PDE5A: variants seen among roughly 807,000 people sequenced by gnomAD.
The protein encoded by PDE5A is phosphodiesterase 5A, also known as cGMP-specific 3',5'-cyclic phosphodiesterase.
In PDE5A, 67 loss-of-function variants were observed where a neutral mutation model predicts 110.2. That is an observed-to-expected ratio of 0.61 (90% confidence interval 0.50 to 0.75). PDE5A has a LOEUF of 0.75. Among genes scored for constraint, PDE5A ranks in the 30% least tolerant of loss-of-function variants. The probability of loss-of-function intolerance (pLI) is 0.00; values close to 1 mark genes in which losing one functional copy is unlikely to be tolerated. For synonymous variants in PDE5A, 328 were observed against 351.2 expected, an observed-to-expected ratio of 0.93 and a Z score of 0.74; for missense variants, 862 against 1,045.1, an observed-to-expected ratio of 0.82 and a Z score of 2.42.
intron 2 of PDE5A, among the ~76,000 whole-genome samples, chr4:119,602,378 C>T (rs944293252): frequency 6.6e-6 from 1 of 152,240 alleles, no homozygotes; most frequent in South Asian, 2.1e-4. Context: ...GTTTCTTATA[C>T]TGGTCTTGCA....
chr4:119,566,531 T>C (rs1325730709), intron 4 of PDE5A, among the ~76,000 whole-genome samples: 3 of 152,030 alleles, frequency 2.0e-5, no homozygotes, highest in Non-Finnish European at 4.4e-5. Context: ...TCCTTCAGAG[T>C]TGAACGAGAA....
At chr4:119,596,489 C>G in intron 3 of PDE5A, 34 bp downstream of exon 3, 1 of 1,192,028 alleles carries the variant, frequency 8.4e-7, no homozygotes. Context: ...AAAATATTTC[C>G]AATGACCTTT....
At chr4:119,506,334 C>A (rs7692994) in intron 16 of PDE5A, among the ~76,000 whole-genome samples, 50,728 of 151,340 alleles carry the variant, frequency 0.34, 8,567 homozygotes, top group East Asian at 0.43. Flanking sequence ...ATAAAAATAT[C>A]TAAAGTTGTG....
intron 1 of PDE5A, among the ~76,000 whole-genome samples, chr4:119,617,680 G>A (rs1388184896): frequency 1.3e-5 from 2 of 152,118 alleles, no homozygotes; most frequent in African/African-American, 4.8e-5. Flanking sequence ...ATAACTAGGT[G>A]AAACCTACTC....
chr4:119,591,382 A>G (rs1309623731), intron 3 of PDE5A, among the ~76,000 whole-genome samples: 1 of 151,680 alleles, frequency 6.6e-6, no homozygotes, highest in African/African-American at 2.4e-5. Context: ...CATTTTGCAG[A>G]TGAGGAAACT....
chr4:119,562,776 TATAGAA>T lies in PDE5A; in HGVS notation c.1131+51_1131+56del, dbSNP rs552822821. On this transcript the variant is annotated intron_variant, in intron 6 of 20. Transcript: ENST00000354960. ...CAAAATGAGGTTTAAAAGTAGTGCTTATAGAAATATAAGTTTCTGTCTTTCTAAAAA... is the reference window on the plus strand; with the variant it reads ...CAAAATGAGGTTTAAAAGTAGTGCTTATATAAGTTTCTGTCTTTCTAAAAA... 489 of 1,399,748 alleles carry T rather than the reference TATAGAA, an allele frequency of 3.5e-4. 1 individual carries two copies. Among genetic ancestry groups the T allele is most frequent in the Middle Eastern group, 6.8e-4 (3 of 4,414 alleles). The allele number at this position is 1,399,748 out of a possible 1,614,324, so 86.7% of individuals were successfully genotyped here.
chr4:119,625,729 T>TA lies in PDE5A; in HGVS notation c.152+2790_152+2791insT, dbSNP rs879597106. Among the ~76,000 whole-genome samples, 1,051 of 150,198 alleles carry TA rather than the reference T, an allele frequency of 7.0e-3. 8 individuals carry two copies. Among genetic ancestry groups the TA allele is most frequent in the African/African-American group, 9.1e-3 (375 of 41,018 alleles). On this transcript the variant is annotated intron_variant, in intron 1 of 20. Coordinates refer to ENST00000354960, the MANE Select transcript of PDE5A (RefSeq NM_001083.4). ...AGCAAAGTAATGTGAGCTCCTACTT[T>TA]TAAAAAAAAAAATCCTTAGCTGTAA...
At chr4:119,594,027 G>A (rs1463502936) in intron 3 of PDE5A, among the ~76,000 whole-genome samples, 2 of 152,104 alleles carry the variant, frequency 1.3e-5, no homozygotes, top group African/African-American at 4.8e-5. Flanking sequence ...ACCTGGTCCC[G>A]CCCTTGATAC....
intron 3 of PDE5A, among the ~76,000 whole-genome samples, chr4:119,581,280 C>T (rs1233729691): frequency 3.3e-5 from 5 of 152,128 alleles, no homozygotes; most frequent in African/African-American, 1.2e-4. Context: ...AAGTTGGTAT[C>T]AAAGGGGTTG....
intron 11 of PDE5A, among the ~76,000 whole-genome samples, chr4:119,532,756 T>C (rs545977390): frequency 3.7e-4 from 56 of 152,242 alleles, no homozygotes; most frequent in African/African-American, 1.3e-3. Flanking sequence ...GAAAGGTCTA[T>C]ATTTAGGCTA....
intron 15 of PDE5A, among the ~76,000 whole-genome samples, chr4:119,508,608 G>T (rs1485608506): frequency 6.6e-6 from 1 of 152,006 alleles, no homozygotes; most frequent in Non-Finnish European, 1.5e-5. Context: ...TGCTGAAATT[G>T]TGGCATGGAT....
chr4:119,626,347 G>A, intron 1 of PDE5A, among the ~76,000 whole-genome samples: 1 of 152,120 alleles, frequency 6.6e-6, no homozygotes, highest in East Asian at 1.9e-4. Context: ...TTCTGAAAAT[G>A]CAGTGTTCCT....
intron 3 of PDE5A, among the ~76,000 whole-genome samples, chr4:119,596,292 T>C (rs1236879416): frequency 6.6e-6 from 1 of 152,032 alleles, no homozygotes. Flanking sequence ...AGGTAGAATA[T>C]GACATGCATA....
intron 18 of PDE5A, among the ~76,000 whole-genome samples, chr4:119,503,061 C>T (rs1042826635): frequency 7.2e-5 from 11 of 152,010 alleles, no homozygotes; most frequent in Non-Finnish European, 1.5e-4. Context: ...TTATTATGGG[C>T]AGGAAGGTAG....
chr4:119,519,966 ATAT>A (rs944915730), intron 13 of PDE5A, among the ~76,000 whole-genome samples: 3 of 152,134 alleles, frequency 2.0e-5, no homozygotes, highest in African/African-American at 7.2e-5. Context: ...ACTCATTGGA[ATAT>A]TTTGGATCTT....
intron 12 of PDE5A, among the ~76,000 whole-genome samples, chr4:119,522,077 C>T (rs1726148354): frequency 2.0e-5 from 3 of 152,050 alleles, no homozygotes; most frequent in African/African-American, 7.2e-5. Context: ...AGGCCAAAAA[C>T]AAGGTTTCTT....
chr4:119,501,466 ATTT>A (rs1215801856), intron 19 of PDE5A, among the ~76,000 whole-genome samples: 2 of 152,016 alleles, frequency 1.3e-5, no homozygotes, highest in Non-Finnish European at 2.9e-5. Context: ...CGCCTGGCTG[ATTT>A]TTTATTTTTA....
chr4:119,552,906 TA>T (rs3836709), intron 8 of PDE5A, among the ~76,000 whole-genome samples: 53 of 151,584 alleles, frequency 3.5e-4, no homozygotes, highest in Admixed American at 5.3e-4. Flanking sequence ...AAAAATAAGT[TA>T]AAAAAAATAA....
chr4:119,624,981 T>C (rs6832740), intron 1 of PDE5A, among the ~76,000 whole-genome samples: 47,470 of 151,758 alleles, frequency 0.31, 7,485 homozygotes, highest in East Asian at 0.39. Context: ...CATAAACAGG[T>C]TGTGATAACT....
Sources: allele counts gnomAD v4.1 joint callset (sites outside exome capture counted in the v4.1 genomes callset), GRCh38; gene constraint gnomAD v4.1.1; transcripts MANE v1.5; gene names NCBI Gene and HGNC (gene_info 2026-07-23, HGNC 2026-07-21).